The following PTK2 variants were observed in gnomAD, a reference collection of about 807,000 sequenced individuals.
The protein encoded by PTK2 is focal adhesion kinase 1.
In PTK2, 45 loss-of-function variants were observed where a neutral mutation model predicts 150.1. That is an observed-to-expected ratio of 0.30 (90% CI 0.24 to 0.38). The LOEUF is 0.38. PTK2 is among the 10% of genes least tolerant of loss of function. PTK2 has a pLI of 1.00. For synonymous variants in PTK2, 432 were observed against 449.2 expected, an observed-to-expected ratio of 0.96 and a Z score of 0.48; for missense variants, 919 against 1,307.3, an observed-to-expected ratio of 0.70 and a Z score of 4.58.
At chr8:140,927,975 A>AAAAAAAAAAAAATAT in intron 1 of PTK2, among the ~76,000 whole-genome samples, 1 of 48,196 alleles carries the variant, frequency 2.1e-5, no homozygotes, top group African/African-American at 9.8e-5. Context: ...AAAAAAAAAA[A>AAAAAAAAAAAAATAT]ATATATATAT....
chr8:140,753,051 G>C (rs190925826), intron 16 of PTK2, among the ~76,000 whole-genome samples: 11 of 152,340 alleles, frequency 7.2e-5, no homozygotes, highest in Admixed American at 7.2e-4. Context: ...GGACATTGGA[G>C]TACCATGGCC....
chr8:140,816,266 T>A (rs1016148663), intron 10 of PTK2, among the ~76,000 whole-genome samples: 2 of 152,280 alleles, frequency 1.3e-5, no homozygotes, highest in East Asian at 3.8e-4. Context: ...TACTTATGAA[T>A]TGGTTTAATA....
intron 16 of PTK2, 108 bp downstream of exon 19, chr8:140,761,057 T>G: frequency 1.3e-6 from 1 of 742,326 alleles, no homozygotes; most frequent in South Asian, 1.9e-5. Flanking sequence ...AAGACACCCG[T>G]AAATATTAAT....
intron 14 of PTK2, among the ~76,000 whole-genome samples, chr8:140,780,646 A>T (rs2100081142): frequency 6.6e-6 from 1 of 152,216 alleles, no homozygotes; most frequent in Non-Finnish European, 1.5e-5. Context: ...GCAAATTCAC[A>T]AAGTACTTCT....
At chr8:140,728,787 C>T (rs59044546) in intron 22 of PTK2, among the ~76,000 whole-genome samples, 12 of 152,130 alleles carry the variant, frequency 7.9e-5, no homozygotes, top group Admixed American at 3.3e-4. Flanking sequence ...TCCCAAAATG[C>T]TGAGATTACA....
intron 1 of PTK2, among the ~76,000 whole-genome samples, chr8:140,959,485 G>A (rs532991834): frequency 1.3e-5 from 2 of 148,506 alleles, no homozygotes; most frequent in Non-Finnish European, 3.0e-5. Context: ...CTTGCAGTGA[G>A]CGGAGATCAC....
intron 1 of PTK2, among the ~76,000 whole-genome samples, chr8:140,958,487 T>C (rs949598168): frequency 1.3e-5 from 2 of 152,128 alleles, no homozygotes; most frequent in African/African-American, 2.4e-5. Flanking sequence ...TAATGTAGCA[T>C]AACTCATCGA....
chr8:140,674,286 TCA>T lies in PTK2; in HGVS notation c.2709+10_2709+11del. On this transcript the variant is annotated intron_variant, in intron 29 of 31. Coordinates refer to ENST00000522684, the Ensembl canonical transcript of PTK2. ...TGCAAGCAGAAGGTGCTGCACAGGC[TCA>T]GATGCCCACCTTGACACCCTCGTTG... 6.3e-7 allele frequency: 1 copy of T among 1,593,888 alleles called. No individual in the cohort carries two copies. The highest frequency in any genetic ancestry group is 2.3e-5 in the East Asian group (1 of 44,444).
intron 1 of PTK2, among the ~76,000 whole-genome samples, chr8:140,993,470 G>C (rs2100196500): frequency 6.6e-6 from 1 of 152,196 alleles, no homozygotes. Flanking sequence ...ATTCAATAAT[G>C]TATAAAACAA....
chr8:140,867,697 C>T (rs554970737), intron 4 of PTK2, among the ~76,000 whole-genome samples: 1 of 152,246 alleles, frequency 6.6e-6, no homozygotes, highest in Admixed American at 6.5e-5. Context: ...CCCTGTGACA[C>T]GTAGTTTACC....
intron 5 of PTK2, among the ~76,000 whole-genome samples, chr8:140,854,487 A>C (rs951112531): frequency 2.6e-5 from 4 of 152,210 alleles, no homozygotes; most frequent in African/African-American, 9.6e-5. Flanking sequence ...AAAGAAAAAA[A>C]TTTGATTCCG....
chr8:140,774,660 T>C (rs1360292062), intron 14 of PTK2, among the ~76,000 whole-genome samples: 4 of 152,144 alleles, frequency 2.6e-5, no homozygotes, highest in African/African-American at 4.8e-5. Context: ...AGGAGGTTGA[T>C]AGAAGATACA....
chr8:140,967,071 C>T (rs2100185554), intron 1 of PTK2, among the ~76,000 whole-genome samples: 1 of 152,110 alleles, frequency 6.6e-6, no homozygotes, highest in Admixed American at 6.5e-5. Flanking sequence ...CTCCTCACAG[C>T]CCTAACTGGT....
At chr8:140,684,974 C>T (rs1010259427) in intron 27 of PTK2, among the ~76,000 whole-genome samples, 4 of 152,130 alleles carry the variant, frequency 2.6e-5, no homozygotes, top group African/African-American at 9.7e-5. Context: ...GAGGACTTTA[C>T]ATTACATGAC....
chr8:140,855,215 T>C (rs764577956), intron 5 of PTK2, among the ~76,000 whole-genome samples: 5 of 152,148 alleles, frequency 3.3e-5, no homozygotes, highest in Non-Finnish European at 7.4e-5. Flanking sequence ...GTGTTCACTA[T>C]GTGCCAGACA....
intron 14 of PTK2, among the ~76,000 whole-genome samples, chr8:140,776,062 TGGCG>T (rs2100078227): frequency 1.3e-5 from 2 of 152,222 alleles, no homozygotes. Context: ...TGGAGTGCAG[TGGCG>T]TGATCTTGCT....
chr8:140,675,710 G>A (rs1589472626), intron 27 of PTK2: 1 of 524,158 alleles, frequency 1.9e-6, no homozygotes, highest in East Asian at 3.2e-5. Flanking sequence ...GGAAAGGGCT[G>A]TGAGAGAAGC....
At position 140,694,186 on chromosome 8, in the gene PTK2, A is replaced by G. The variant is rs924895033; in HGVS notation, c.2499+6705T>C. Among the ~76,000 whole-genome samples the G allele has an allele frequency of 5.3e-4, 80 of 150,510 alleles. No homozygotes were observed. The East Asian group carries it at 0.013, about 25-fold the overall frequency. ...CTCCTGAGTAGCTGGGACTACAGGC[A>G]CCTGCCACTACGCCCAGCTAATTTT... On this transcript the variant is annotated intron_variant, in intron 26 of 31. Transcript: ENST00000522684.
chr8:140,946,699 T>A (rs959113077), intron 1 of PTK2, among the ~76,000 whole-genome samples: 20 of 152,180 alleles, frequency 1.3e-4, no homozygotes, highest in Admixed American at 1.2e-3. Context: ...TCAAATTCAC[T>A]CATACTATGG....
Sources: allele counts gnomAD v4.1 joint callset (sites outside exome capture counted in the v4.1 genomes callset), GRCh38; gene constraint gnomAD v4.1.1; transcripts MANE v1.5; gene names NCBI Gene and HGNC (gene_info 2026-07-23, HGNC 2026-07-21).